SMDT1: variants seen among roughly 807,000 people sequenced by gnomAD.
SMDT1 encodes the protein essential MCU regulator, mitochondrial.
A neutral mutation model predicts 5.9 loss-of-function variants in SMDT1; 6 were observed. That is an observed-to-expected ratio of 1.03 (90% confidence interval 0.56 to 2.02). The LOEUF is 2.02. Ranked by LOEUF, SMDT1 falls within the 30% of genes most tolerant of loss-of-function variation. SMDT1 has a pLI of 0.00. For missense variants in SMDT1, 159 were observed against 145.6 expected (o/e 1.09, Z -0.47); for synonymous variants, 81 against 62.4 (o/e 1.30, Z -1.40).
chr22:42,082,456 C>T (rs1927861122), intron 2 of SMDT1, among the ~76,000 whole-genome samples: 1 of 152,208 alleles, frequency 6.6e-6, no homozygotes, highest in African/African-American at 2.4e-5. Context: ...CCACCTTGGC[C>T]TCCCAAAGTG....
chr22:42,082,300 C>T (rs1463210785), intron 2 of SMDT1: 1 of 468,346 alleles, frequency 2.1e-6, no homozygotes, highest in Non-Finnish European at 3.9e-6. Flanking sequence ...CTTCCAGGTT[C>T]AAGCGATTCT....
intron 1 of SMDT1, among the ~76,000 whole-genome samples, chr22:42,080,959 A>C (rs1031096169): frequency 6.6e-6 from 1 of 152,220 alleles, no homozygotes; most frequent in African/African-American, 2.4e-5. Context: ...CCTTCACTGT[A>C]CATCTTTCTG....
rs1327294406 is a variant in SMDT1, at chr22:42,083,351, T to C, written c.*236T>C. On this transcript the variant is annotated 3_prime_UTR_variant, in exon 3 of 3. Transcript: ENST00000331479. ...AAATTATGAATAAACATAATAAATA[T>C]CAGCCGTGCGTGACTGAGTGATGGC... is the stretch of plus-strand genomic sequence containing the variant. The C allele has an allele frequency of 6.6e-6, 1 of 152,446 alleles. No homozygotes were observed. The highest frequency in any genetic ancestry group is 1.5e-5 in the Non-Finnish European group (1 of 68,034). 9.4% of individuals were successfully genotyped at this position (152,446 alleles called of 1,614,324 possible).
In SMDT1 at chr22:42,082,145, AT is replaced by A. The variant is rs1927837883; in HGVS notation, c.*3+83del. 19 of 1,552,350 alleles carry A rather than the reference AT, an allele frequency of 1.2e-5. No homozygotes were observed. In the Admixed American group the frequency reaches 3.2e-4, roughly 26 times the overall value. ...TGATGCAGTCTGGCCTGGTAGCAGC[AT>A]TTGGACACTGGGGGCAGAAGCATTA... On this transcript the variant is annotated intron_variant, in intron 2 of 2. Transcript: ENST00000331479.
intron 1 of SMDT1, among the ~76,000 whole-genome samples, chr22:42,081,169 CTTT>C (rs58944505): frequency 6.9e-6 from 1 of 144,046 alleles, no homozygotes; most frequent in African/African-American, 2.5e-5. Flanking sequence ...ACCTTATCTC[CTTT>C]TTTTTTTTTT....
At chr22:42,080,990 C>T (rs1243188162) in intron 1 of SMDT1, among the ~76,000 whole-genome samples, 1 of 152,194 alleles carries the variant, frequency 6.6e-6, no homozygotes, top group South Asian at 2.1e-4. Context: ...TCGTGTATTT[C>T]GTGTTCAGGC....
At chr22:42,082,984 CG>C (rs1830921370) in intron 2 of SMDT1, 134 bp from the exon 3 acceptor site, 1 of 152,192 alleles carries the variant, frequency 6.6e-6, no homozygotes, top group Non-Finnish European at 1.5e-5. Flanking sequence ...AGTTAACGTG[CG>C]CATGAACAAC....
chr22:42,081,155 A>G (rs1602510655), intron 1 of SMDT1, among the ~76,000 whole-genome samples: 1 of 149,070 alleles, frequency 6.7e-6, no homozygotes, highest in Non-Finnish European at 1.5e-5. Context: ...TGGCCATAAC[A>G]GTCACCTTAT....
chr22:42,080,833 TAA>T (rs1325188146), intron 1 of SMDT1, among the ~76,000 whole-genome samples: 2 of 152,264 alleles, frequency 1.3e-5, no homozygotes, highest in Non-Finnish European at 1.5e-5. Context: ...CCAATCCATC[TAA>T]AGTCTTTGAG....
intron 1 of SMDT1, among the ~76,000 whole-genome samples, chr22:42,080,221 T>C (rs1470013949): frequency 6.6e-6 from 1 of 152,066 alleles, no homozygotes; most frequent in Non-Finnish European, 1.5e-5. Flanking sequence ...TCCTCTGGAG[T>C]CAGAAGACTA....
At chr22:42,079,976 G>C in intron 1 of SMDT1, 22 bp downstream of exon 1, 1 of 1,598,848 alleles carries the variant, frequency 6.3e-7, no homozygotes, top group Non-Finnish European at 8.5e-7. Flanking sequence ...CCTGGAGACG[G>C]GGCGAAGGGG....
At position 42,079,965 on chromosome 22, in the gene SMDT1, T is replaced by C; in HGVS notation, c.186+11T>C. 7 of 1,606,346 alleles carry C rather than the reference T, an allele frequency of 4.4e-6. No individual in the cohort carries two copies. Among genetic ancestry groups the C allele is most frequent in the Non-Finnish European group, 6.0e-6 (7 of 1,175,438 alleles). ...CCCAAACCGGTGAAAGTGAGTGTCC[T>C]CCTGGAGACGGGGCGAAGGGGCTGA... is the stretch of plus-strand genomic sequence containing the variant. On this transcript the variant is annotated intron_variant, in intron 1 of 2. Transcript: ENST00000331479.
Position 42,079,767 on chromosome 22 carries a change from G to C in SMDT1, c.-2G>C, listed in dbSNP as rs747295100. On this transcript the variant is annotated 5_prime_UTR_variant, in exon 1 of 3. Coordinates refer to ENST00000331479, the MANE Select transcript of SMDT1 (RefSeq NM_033318.5). ...GCCCGGGTGAGGGGCGGAGCTGGGG[G>C]CATGGCGTCCGGAGCGGCTCGCTGG... The C allele has an allele frequency of 1.9e-6, 3 of 1,604,782 alleles. No individual in the cohort carries two copies. The Admixed American group carries it at 5.0e-5, about 27-fold the overall frequency.
chr22:42,081,943 C>A lies in SMDT1; in HGVS notation c.205C>A (p.Arg69Ser). 2 of 1,614,114 alleles carry A rather than the reference C, an allele frequency of 1.2e-6. No homozygotes were observed. Among genetic ancestry groups the A allele is most frequent in the Non-Finnish European group, 1.7e-6 (2 of 1,180,044 alleles). Residue 69 changes from arginine (R) to serine (S), a missense_variant, in exon 2 of 3, where the codon CGT becomes AGT. Physicochemically the swap from Arg to Ser is moderately radical, Grantham distance 110 (BLOSUM62 -1). Transcript: ENST00000331479. ...KPVKMSFGLL[R>S]VFSIVIPFLY... ...TCTGCAGATGTCCTTCGGCCTTCTCCGTGTGTTCTCCATTGTGATCCCCTT... is the reference window on the plus strand; with the variant it reads ...TCTGCAGATGTCCTTCGGCCTTCTCAGTGTGTTCTCCATTGTGATCCCCTT...
chr22:42,083,932 A>G lies in SMDT1; in HGVS notation c.*817A>G, dbSNP rs1471953790. On this transcript the variant is annotated 3_prime_UTR_variant, in exon 3 of 3. Coordinates refer to ENST00000331479, the MANE Select transcript of SMDT1 (RefSeq NM_033318.5). ...AGAATCCTCTGACCTACCTTGTCTG[A>G]TTTTAGGTCATGAGACCCCCATTTC... 6.6e-6 allele frequency: 1 copy of G among 152,126 alleles called. No individual in the cohort carries two copies. Among genetic ancestry groups the G allele is most frequent in the Non-Finnish European group, 1.5e-5 (1 of 68,018 alleles). The allele number at this position is 152,126 out of a possible 1,614,324, so 9.4% of individuals were successfully genotyped here.
At position 42,084,228 on chromosome 22, in the gene SMDT1, A is replaced by G. The variant is rs550420779; in HGVS notation, c.*1113A>G. 6.6e-6 allele frequency: 1 copy of G among 152,246 alleles called. No homozygotes were observed. Among genetic ancestry groups the G allele is most frequent in the East Asian group, 1.9e-4 (1 of 5,178 alleles). 9.4% of individuals were successfully genotyped at this position (152,246 alleles called of 1,614,324 possible). On this transcript the variant is annotated 3_prime_UTR_variant, in exon 3 of 3. Transcript: ENST00000331479. ...CCACGCCCCTTCTATACCTCACCCT[A>G]TGCATCTCTTCAGCTGTATCTTTTG...
In SMDT1 at chr22:42,079,872, G is replaced by T; in HGVS notation, c.104G>T (p.Trp35Leu). The T allele has an allele frequency of 6.2e-7, 1 of 1,614,228 alleles. No homozygotes were observed. The highest frequency in any genetic ancestry group is 8.5e-7 in the Non-Finnish European group (1 of 1,180,042). The change falls in exon 1 of 3, where the codon TGG becomes TTG. Residue 35 changes from tryptophan to leucine, a missense_variant. Transcript: ENST00000331479. ...LRKDGDVSAAWSGSGRSLVPS... is the reference protein window; with the variant it reads ...LRKDGDVSAALSGSGRSLVPS... ...AAAGATGGCGATGTCTCCGCCGCATGGAGCGGCTCAGGCCGGAGCCTGGTA... is the reference window on the plus strand; with the variant it reads ...AAAGATGGCGATGTCTCCGCCGCATTGAGCGGCTCAGGCCGGAGCCTGGTA...
intron 1 of SMDT1, among the ~76,000 whole-genome samples, 164 bp from the exon 2 acceptor site, chr22:42,081,761 C>T (rs1002177775): frequency 6.6e-6 from 1 of 152,102 alleles, no homozygotes; most frequent in Non-Finnish European, 1.5e-5. Context: ...CCTGCCTGGC[C>T]TTCTCCTTTT....
intron 1 of SMDT1, among the ~76,000 whole-genome samples, chr22:42,080,177 A>G (rs1927668068): frequency 6.6e-6 from 1 of 152,160 alleles, no homozygotes; most frequent in Admixed American, 6.5e-5. Context: ...TTGGCCTTTT[A>G]CATTAGCTTG....
Sources: gnomAD v4.1 joint callset for allele counts (sites outside exome capture counted in the v4.1 genomes callset) on GRCh38, gnomAD v4.1.1 for gene constraint, MANE v1.5 for transcripts, NCBI Gene and HGNC (gene_info 2026-07-23, HGNC 2026-07-21) for gene names.